The following SUOX variants were observed in gnomAD, a reference collection of about 807,000 sequenced individuals.
The protein encoded by SUOX is sulfite oxidase, also known as sulfite oxidase, mitochondrial.
Under a neutral mutation model 41.9 loss-of-function variants are expected in SUOX, and 39 were observed. That is an observed-to-expected ratio of 0.93 (90% CI 0.72 to 1.21). The LOEUF (loss-of-function observed/expected upper bound fraction) is 1.21. Among genes scored for constraint, SUOX ranks in the 50% most tolerant of loss-of-function variants. The pLI is 0.00. For synonymous variants in SUOX, 220 were observed against 268.4 expected, an observed-to-expected ratio of 0.82 and a Z score of 1.76; for missense variants, 633 against 689.5, an observed-to-expected ratio of 0.92 and a Z score of 0.92.
chr12:55,997,970 C>G (rs1890368023), intron 2 of SUOX, among the ~76,000 whole-genome samples: 1 of 152,168 alleles, frequency 6.6e-6, no homozygotes, highest in Non-Finnish European at 1.5e-5. Context: ...AATTACCTTC[C>G]TTCTCCAGCC....
intron 2 of SUOX, chr12:55,999,283 T>G (rs1472103432): frequency 6.6e-6 from 1 of 152,466 alleles, no homozygotes; most frequent in African/African-American, 2.4e-5. Flanking sequence ...CCAGAGTAGA[T>G]GGGACCACAG....
At chr12:56,000,325 G>A (rs1462165493) in intron 2 of SUOX, among the ~76,000 whole-genome samples, 4 of 152,252 alleles carry the variant, frequency 2.6e-5, no homozygotes, top group African/African-American at 4.8e-5. Context: ...GAAATCGAGC[G>A]CAGCGCTGGT....
At chr12:55,999,746 C>A (rs1160610784) in intron 2 of SUOX, among the ~76,000 whole-genome samples, 1 of 152,212 alleles carries the variant, frequency 6.6e-6, no homozygotes, top group Non-Finnish European at 1.5e-5. Flanking sequence ...GTTCTCTTAT[C>A]TGGTGCCACC....
At chr12:55,997,516 CT>C in intron 1 of SUOX, 98 bp from the exon 2 acceptor site, 1 of 152,470 alleles carries the variant, frequency 6.6e-6, no homozygotes, top group Non-Finnish European at 1.5e-5. Context: ...CCGCAAGACC[CT>C]TTTGTGCCTG....
rs143944760 is a variant in SUOX, at chr12:56,003,735, G to A, written c.346G>A (p.Asp116Asn). Residue 116 changes from aspartate to asparagine, a missense_variant, in exon 5 of 5, where the codon GAC becomes AAC. By Grantham distance (23) the Asp-to-Asn change is conservative. Coordinates refer to ENST00000266971, the MANE Select transcript of SUOX (RefSeq NM_001032386.2). ...GGTCTTTGATGTCACAGAATTTGTG[G>A]ACCTACATCCAGGGGGGCCTTCAAA... ...SEVFDVTEFV[D>N]LHPGGPSKLM... 5.6e-6 allele frequency: 9 copies of A among 1,612,838 alleles called. No individual in the cohort carries two copies. In the African/African-American group the frequency reaches 1.1e-4, roughly 19 times the overall value.
chr12:55,998,278 C>T (rs1228602161), intron 2 of SUOX, among the ~76,000 whole-genome samples: 2 of 151,490 alleles, frequency 1.3e-5, no homozygotes, highest in Admixed American at 6.6e-5. Flanking sequence ...AGTGGTGGCT[C>T]ATGCCTGTAA....
rs756112150 is a variant in SUOX, at chr12:56,003,688, T to G, written c.299T>G (p.Ile100Ser). ...TCCCACACCAGCCCTGAGACTGGGATCTGGGTGACTCTGGGCTCTGAGGTC... is the reference window on the plus strand; with the variant it reads ...TCCCACACCAGCCCTGAGACTGGGAGCTGGGTGACTCTGGGCTCTGAGGTC... ...VSSHTSPETG[I>S]WVTLGSEVFD... Residue 100 changes from isoleucine (I) to serine (S), a missense_variant, in exon 5 of 5, where the codon ATC becomes AGC. Coordinates refer to ENST00000266971, the MANE Select transcript of SUOX (RefSeq NM_001032386.2). 1.5e-5 allele frequency: 24 copies of G among 1,613,412 alleles called. No homozygotes were observed. The South Asian group carries it at 2.6e-4, about 18-fold the overall frequency.
chr12:55,998,088 TGG>T (rs951392187), intron 2 of SUOX, among the ~76,000 whole-genome samples: 2 of 152,128 alleles, frequency 1.3e-5, no homozygotes, highest in Admixed American at 1.3e-4. Flanking sequence ...AGTTCCCAGC[TGG>T]GTTCAATTTT....
chr12:56,002,893 G>T, intron 4 of SUOX, 173 bp downstream of exon 4: 1 of 641,534 alleles, frequency 1.6e-6, no homozygotes, highest in African/African-American at 1.8e-5. Context: ...CAGGTGTGGT[G>T]GTACATACCT....
chr12:56,005,252 C>T lies in SUOX; in HGVS notation c.*225C>T, dbSNP rs528097287. 65 of 613,748 alleles carry T rather than the reference C, an allele frequency of 1.1e-4. No individual in the cohort carries two copies. In the South Asian group the frequency reaches 1.2e-3, roughly 11 times the overall value. The allele number at this position is 613,748 out of a possible 1,614,324, so 38.0% of individuals were successfully genotyped here. Reference sequence around the variant, plus strand: ...TGCCAGGAAGTGTGAGCTGTTACAGCAAGGGGCTAGAAGTGAAAAAAGTAA... The same window carrying T: ...TGCCAGGAAGTGTGAGCTGTTACAGTAAGGGGCTAGAAGTGAAAAAAGTAA... On this transcript the variant is annotated 3_prime_UTR_variant, in exon 5 of 5. Coordinates refer to ENST00000266971, the MANE Select transcript of SUOX (RefSeq NM_001032386.2).
chr12:56,002,672 C>G lies in SUOX; in HGVS notation c.180C>G (p.Thr60=). The change falls in exon 4 of 5, where the codon ACC becomes ACG. Residue 60 remains threonine, a synonymous_variant. Coordinates refer to ENST00000266971, the MANE Select transcript of SUOX (RefSeq NM_001032386.2). ...CCCAGGGATGGAGAGTCATGGGGAC[C>G]CTATTAGGTCTCGGTGCAGTGTTGG... ...SSTQGWRVMG[T]LLGLGAVLAY... 1 of 1,614,054 alleles carries G rather than the reference C, an allele frequency of 6.2e-7. No homozygotes were observed. Among genetic ancestry groups the G allele is most frequent in the Non-Finnish European group, 8.5e-7 (1 of 1,180,020 alleles).
At chr12:55,998,626 A>T (rs981073391) in intron 2 of SUOX, among the ~76,000 whole-genome samples, 1 of 152,102 alleles carries the variant, frequency 6.6e-6, no homozygotes, top group Non-Finnish European at 1.5e-5. Context: ...GCAAGAGGCC[A>T]GGAGTTCAAG....
Position 56,004,510 on chromosome 12 carries a change from G to C in SUOX, c.1121G>C (p.Gly374Ala). 6.2e-7 allele frequency: 1 copy of C among 1,614,096 alleles called. No homozygotes were observed. Among genetic ancestry groups the C allele is most frequent in the Non-Finnish European group, 8.5e-7 (1 of 1,180,030 alleles). ...CGTGTGGTGGTTCCTGGAGTGGTGG[G>C]TGCCCGCCATGTCAAATGGCTGGGC... ...PVRVVVPGVV[G>A]ARHVKWLGRV... Residue 374 changes from glycine to alanine, a missense_variant, in exon 5 of 5, where the codon GGT (glycine) becomes GCT (alanine). Physicochemically the swap from Gly to Ala is moderately conservative, Grantham distance 60. Transcript: ENST00000266971. This position sits in a 1 kb window ranked among gnomAD's most constrained non-coding sequence, Gnocchi z 4.5.
rs1295510188 is a variant in SUOX at position 55,997,623 on chromosome 12, TG to T, written c.-110del. 2 of 152,370 alleles carry T rather than the reference TG, an allele frequency of 1.3e-5. No homozygotes were observed. Among genetic ancestry groups the T allele is most frequent in the African/African-American group, 4.8e-5 (2 of 41,436 alleles). The allele number at this position is 152,370 out of a possible 1,614,324, so 9.4% of individuals were successfully genotyped here. On this transcript the variant is annotated 5_prime_UTR_variant, in exon 2 of 5. Transcript: ENST00000266971. The stretch of plus-strand genomic sequence containing the variant: ...GCATTTCTGTATTACAGCAAAAGGC[TG>T]TCCCTCCCAAACCTGGGATTCTGGG...
rs1216264589 is a variant in SUOX, at chr12:56,002,626, T to C, written c.134T>C (p.Phe45Ser). ...CAGCCCCAGCGCCCCAGCCTCACCT[T>C]CTCTGGTGATAACTCCAGCACCCAG... is the stretch of plus-strand genomic sequence containing the variant. ...SFQPQRPSLT[F>S]SGDNSSTQGW... Residue 45 changes from phenylalanine (F) to serine (S), a missense_variant, in exon 4 of 5, where the codon TTC becomes TCC. Physicochemically the swap from Phe to Ser is radical, Grantham distance 155. Transcript: ENST00000266971. 1 of 1,613,658 alleles carries C rather than the reference T, an allele frequency of 6.2e-7. No homozygotes were observed. Among genetic ancestry groups the C allele is most frequent in the East Asian group, 2.2e-5 (1 of 44,856 alleles).
At position 56,004,691 on chromosome 12, in the gene SUOX, T is replaced by A. The variant is rs781690300; in HGVS notation, c.1302T>A (p.Asp434Glu). ...AGTCGGCCATCACAGAGCCCCGGGA[T>A]GGAGAGACTGTAGAATCAGGGGAGG... ...PVQSAITEPRDGETVESGEVT... is the reference protein window; with the variant it reads ...PVQSAITEPREGETVESGEVT... The change falls in exon 5 of 5, where the codon GAT becomes GAA. Residue 434 changes from aspartate (D) to glutamate (E), a missense_variant. Physicochemically the swap from Asp to Glu is conservative, Grantham distance 45. Transcript: ENST00000266971. The surrounding 1 kb of genome is among the most constrained non-coding windows in gnomAD (Gnocchi z 4.5). 1 of 1,613,832 alleles carries A rather than the reference T, an allele frequency of 6.2e-7. No homozygotes were observed. Among genetic ancestry groups the A allele is most frequent in the Non-Finnish European group, 8.5e-7 (1 of 1,179,810 alleles).
At chr12:56,000,293 G>A (rs1335118063) in intron 2 of SUOX, among the ~76,000 whole-genome samples, 1 of 152,248 alleles carries the variant, frequency 6.6e-6, no homozygotes, top group African/African-American at 2.4e-5. Flanking sequence ...TGCCCCGCGG[G>A]GAGGCAGCTA....
chr12:56,002,164 C>A, intron 2 of SUOX, 48 bp from the exon 3 acceptor site: 1 of 1,608,418 alleles, frequency 6.2e-7, no homozygotes, highest in Non-Finnish European at 8.5e-7. Context: ...TCCCTAATAT[C>A]CCCTCCCAGG....
chr12:56,004,094 A>G lies in SUOX; in HGVS notation c.705A>G (p.Val235=). The G allele has an allele frequency of 6.2e-7, 1 of 1,614,130 alleles. No individual in the cohort carries two copies. Among genetic ancestry groups the G allele is most frequent in the South Asian group, 1.1e-5 (1 of 91,078 alleles). The change falls in exon 5 of 5, where the codon GTA becomes GTG. Residue 235 remains valine (V), a synonymous_variant. Coordinates refer to ENST00000266971, the MANE Select transcript of SUOX (RefSeq NM_001032386.2). The surrounding 1 kb of genome is among the most constrained non-coding windows in gnomAD (Gnocchi z 4.5). ...CAGACACCTATCGCTTACACGTAGT[A>G]GGAGCACCTGGGGGTCAGTCACTGT... ...LDPDTYRLHV[V]GAPGGQSLSL...
Sources: allele counts gnomAD v4.1 joint callset (sites outside exome capture counted in the v4.1 genomes callset), GRCh38; gene constraint gnomAD v4.1.1; non-coding constraint Gnocchi (gnomAD v3.1); transcripts MANE v1.5; gene names NCBI Gene and HGNC (gene_info 2026-07-23, HGNC 2026-07-21).